ELN: variants seen among roughly 807,000 people sequenced by gnomAD.
ELN encodes the protein elastin.
A neutral mutation model predicts 105.8 loss-of-function variants in ELN; 65 were observed. That is an observed-to-expected ratio of 0.61 (90% CI 0.50 to 0.75). ELN has a LOEUF of 0.75. ELN is among the 30% of genes least tolerant of loss of function. The probability of loss-of-function intolerance (pLI) is 0.00; values close to 1 mark genes in which losing one functional copy is unlikely to be tolerated. For missense variants in ELN, 882 were observed against 969.4 expected, an observed-to-expected ratio of 0.91 and a Z score of 1.20; for synonymous variants, 368 against 389.2, an observed-to-expected ratio of 0.95 and a Z score of 0.64.
At position 74,043,889 on chromosome 7, in the gene ELN, G is replaced by T; in HGVS notation, c.438G>T (p.Leu146=). ...TTCTTTTGGCCACAGGTGTGGGGCT[G>T]CCAGGTGTATACCCAGGTGGCGTGC... The part of the protein sequence containing the change: ...VKPGKVPGVG[L]PGVYPGGVLP... Residue 146 remains leucine, a synonymous_variant, in exon 9 of 33, where the codon CTG becomes CTT. Transcript: ENST00000252034. The T allele has an allele frequency of 6.2e-7, 1 of 1,614,108 alleles. No individual in the cohort carries two copies. The highest frequency in any genetic ancestry group is 1.1e-5 in the South Asian group (1 of 91,066).
At position 74,039,491 on chromosome 7, in the gene ELN, G is replaced by A. The variant is rs114114804; in HGVS notation, c.197-1725G>A. On this transcript the variant is annotated intron_variant, in intron 4 of 32. Transcript: ENST00000252034. ...CAGGATGGAATGGAGCACAGGCAGC[G>A]CGTGTCATGCTTGGGAACAATTAAT... Among the ~76,000 whole-genome samples the A allele has an allele frequency of 3.5e-3, 533 of 152,352 alleles. 1 individual carries two copies. The highest frequency in any genetic ancestry group is 0.012 in the African/African-American group (487 of 41,596).
intron 15 of ELN, among the ~76,000 whole-genome samples, chr7:74,050,776 G>A (rs887237160): frequency 2.0e-5 from 3 of 152,060 alleles, no homozygotes; most frequent in African/African-American, 4.8e-5. Context: ...GTCAAGAAAC[G>A]GGAGGCATTT....
At chr7:74,048,387 G>A in intron 14 of ELN, 116 bp from the exon 15 acceptor site, 1 of 1,540,746 alleles carries the variant, frequency 6.5e-7, no homozygotes, top group Non-Finnish European at 9.0e-7. Flanking sequence ...CTACTCTGAA[G>A]CTCCCATGTA....
In ELN at chr7:74,069,123, C is replaced by T. The variant is rs1554690869; in HGVS notation, c.*423C>T. 6.2e-6 allele frequency: 2 copies of T among 324,446 alleles called. No homozygotes were observed. The highest frequency in any genetic ancestry group is 4.9e-5 in the South Asian group (1 of 20,516). 20.1% of individuals were successfully genotyped at this position (324,446 alleles called of 1,614,324 possible). ...GACACTTCCTGGGCAGTCCCAGCTC[C>T]CCCTGCCCACCAGGACCCACCGTTG... On this transcript the variant is annotated 3_prime_UTR_variant, in exon 33 of 33. Transcript: ENST00000252034.
In ELN at chr7:74,065,687, T is replaced by G. The variant is rs375277198; in HGVS notation, c.1994-7T>G. On this transcript the variant is annotated splice_region_variant and splice_polypyrimidine_tract_variant and intron_variant, in intron 29 of 32. Coordinates refer to ENST00000252034, the MANE Select transcript of ELN (RefSeq NM_000501.4). ...TTCCTGAGCCGTCATGTGCCTCATCTCCCCAGGTATACCTCCAGCTGCAGC... is the reference window on the plus strand; with the variant it reads ...TTCCTGAGCCGTCATGTGCCTCATCGCCCCAGGTATACCTCCAGCTGCAGC... 661 of 1,610,922 alleles carry G rather than the reference T, an allele frequency of 4.1e-4. No homozygotes were observed. Among genetic ancestry groups the G allele is most frequent in the Non-Finnish European group, 5.4e-4 (637 of 1,179,312 alleles).
intron 7 of ELN, 29 bp from the exon 8 acceptor site, chr7:74,043,089 C>T (rs781804334): frequency 3.1e-6 from 5 of 1,614,156 alleles, no homozygotes; most frequent in Non-Finnish European, 4.2e-6. Context: ...TGGGTGGAGC[C>T]AACTCTGATG....
intron 26 of ELN, among the ~76,000 whole-genome samples, chr7:74,061,759 T>C (rs1486499196): frequency 6.6e-6 from 1 of 152,168 alleles, no homozygotes; most frequent in Admixed American, 6.5e-5. Context: ...CTTCAACCCC[T>C]GTGACCACCA....
In ELN at chr7:74,051,961, A is replaced by G. The variant is rs1794147509; in HGVS notation, c.927A>G (p.Ala309=). 2 of 1,613,656 alleles carry G rather than the reference A, an allele frequency of 1.2e-6. No homozygotes were observed. Among genetic ancestry groups the G allele is most frequent in the African/African-American group, 2.7e-5 (2 of 75,060 alleles). The change falls in exon 17 of 33, where the codon GCA becomes GCG. Residue 309 remains alanine (A), a synonymous_variant. Coordinates refer to ENST00000252034, the MANE Select transcript of ELN (RefSeq NM_000501.4). ...GTPAAAAAAA[A]AAKAAKYGAA... ...CAGCTGCAGCTGCAGCTGCAGCAGCAGCCGCTAAGGCAGCCAAGTATGGTG... is the reference window on the plus strand; with the variant it reads ...CAGCTGCAGCTGCAGCTGCAGCAGCGGCCGCTAAGGCAGCCAAGTATGGTG...
intron 15 of ELN, 150 bp downstream of exon 15, chr7:74,048,706 C>A: frequency 1.2e-6 from 1 of 854,178 alleles, no homozygotes; most frequent in Non-Finnish European, 1.9e-6. Flanking sequence ...TCCCTCCCTC[C>A]AACCATTCTT....
intron 1 of ELN, among the ~76,000 whole-genome samples, chr7:74,033,791 C>G (rs1554663894): frequency 1.3e-5 from 2 of 152,234 alleles, no homozygotes; most frequent in Non-Finnish European, 2.9e-5. Flanking sequence ...CCCGTTCCCC[C>G]AGCCCCGCCC....
intron 15 of ELN, among the ~76,000 whole-genome samples, chr7:74,049,690 TTCCA>T (rs1793466494): frequency 7.3e-6 from 1 of 136,930 alleles, no homozygotes; most frequent in Non-Finnish European, 1.6e-5. Context: ...GCATTCATCC[TTCCA>T]TCCATCCATC....
At chr7:74,045,176 C>A in intron 9 of ELN, 46 bp from the exon 10 acceptor site, 1 of 1,610,428 alleles carries the variant, frequency 6.2e-7, no homozygotes, top group Admixed American at 1.7e-5. Flanking sequence ...CCCAGCAGGG[C>A]CTGCAAGGCC....
intron 12 of ELN, 134 bp from the exon 13 acceptor site, chr7:74,047,541 C>T (rs1792862430): frequency 4.7e-6 from 6 of 1,274,148 alleles, no homozygotes; most frequent in Non-Finnish European, 6.9e-6. Context: ...CTTTGCTCTC[C>T]TGGGAGCAGC....
chr7:74,037,132 C>T (rs932967067), intron 3 of ELN, among the ~76,000 whole-genome samples: 2 of 149,318 alleles, frequency 1.3e-5, no homozygotes. Context: ...CTTGCCCGGC[C>T]CCTTCCTATT....
At chr7:74,054,640 G>A (rs1794865223) in intron 18 of ELN, 76 bp from the exon 19 acceptor site, 32 of 1,466,320 alleles carry the variant, frequency 2.2e-5, no homozygotes, top group Non-Finnish European at 3.1e-5. Flanking sequence ...ACACAGATGG[G>A]TAGACAGAGG....
intron 24 of ELN, 21 bp downstream of exon 24, chr7:74,060,205 T>C (rs782066242): frequency 1.2e-6 from 2 of 1,614,062 alleles, no homozygotes; most frequent in Non-Finnish European, 1.7e-6. Context: ...CGCCCACCTT[T>C]CTCTCCTCTC....
intron 3 of ELN, 75 bp downstream of exon 3, chr7:74,036,659 T>G: frequency 6.2e-7 from 1 of 1,605,304 alleles, no homozygotes; most frequent in Non-Finnish European, 8.5e-7. Flanking sequence ...TCCTCAGACC[T>G]GAGAACCCTG....
intron 19 of ELN, among the ~76,000 whole-genome samples, chr7:74,055,444 A>T (rs1554678905): frequency 1.3e-5 from 2 of 151,812 alleles, no homozygotes; most frequent in African/African-American, 4.8e-5. Flanking sequence ...TAAAATAAAT[A>T]AAAAATAAAT....
Position 74,059,912 on chromosome 7 carries a change from C to G in ELN, c.1441C>G (p.Pro481Ala), listed in dbSNP as rs782732816. The G allele has an allele frequency of 2.0e-6, 3 of 1,512,882 alleles. No individual in the cohort carries two copies. Among genetic ancestry groups the G allele is most frequent in the Non-Finnish European group, 2.8e-6 (3 of 1,088,186 alleles). 93.7% of individuals were successfully genotyped at this position (1,512,882 alleles called of 1,614,324 possible). ...FGLVPGVGVA[P>A]GVGVAPGVGV... The stretch of plus-strand genomic sequence containing the variant: ...GTTAGTTCCTGGTGTCGGCGTGGCT[C>G]CTGGAGTTGGCGTGGCTCCTGGTGT... Residue 481 changes from proline to alanine, a missense_variant, in exon 23 of 33, where the codon CCT becomes GCT. Transcript: ENST00000252034.
Sources: gnomAD v4.1 joint callset for allele counts (sites outside exome capture counted in the v4.1 genomes callset) on GRCh38, gnomAD v4.1.1 for gene constraint, MANE v1.5 for transcripts, NCBI Gene and HGNC (gene_info 2026-07-23, HGNC 2026-07-21) for gene names.